PRUNE2: variants seen among roughly 807,000 people sequenced by gnomAD.
The protein encoded by PRUNE2 is prune homolog 2 with BCH domain, also known as protein prune homolog 2.
A neutral mutation model predicts 252.0 loss-of-function variants in PRUNE2; 164 were observed. That is an observed-to-expected ratio of 0.65 (90% CI 0.57 to 0.74). The LOEUF (loss-of-function observed/expected upper bound fraction) is 0.74. Among genes scored for constraint, PRUNE2 ranks in the 30% least tolerant of loss-of-function variants. PRUNE2 has a pLI of 0.00. For synonymous variants in PRUNE2, 1,292 were observed against 1,350.2 expected (o/e 0.96, Z 0.94); for missense variants, 3,495 against 3,711.0 (o/e 0.94, Z 1.51).
rs202219680 is a variant in PRUNE2 at position 76,638,174 on chromosome 9, A to G, written c.8831+12T>C. 1.0e-5 allele frequency: 16 copies of G among 1,564,896 alleles called. No individual in the cohort carries two copies. The Admixed American group carries it at 1.5e-4, about 15-fold the overall frequency. On this transcript the variant is annotated intron_variant, in intron 13 of 18. Transcript: ENST00000376718. Reference sequence around the variant, plus strand: ...CATTAACTCAAAGCACTTTGTCATAAGTATCACTCACAGGAAAAGATTTTC... The same window carrying G: ...CATTAACTCAAAGCACTTTGTCATAGGTATCACTCACAGGAAAAGATTTTC...
chr9:76,615,009 G>T, intron 18 of PRUNE2: 1 of 689,320 alleles, frequency 1.5e-6, no homozygotes, highest in Non-Finnish European at 1.8e-6. Flanking sequence ...TGTCTGACAA[G>T]CACTAAATAG....
At chr9:76,715,441 T>C (rs10781371) in intron 6 of PRUNE2, among the ~76,000 whole-genome samples, 29,950 of 152,118 alleles carry the variant, frequency 0.2, 3,482 homozygotes, top group East Asian at 0.48. Context: ...AGGCAGCCAC[T>C]CTCATCTGGC....
At chr9:76,666,087 G>C (rs1364177551) in intron 9 of PRUNE2, among the ~76,000 whole-genome samples, 1 of 152,180 alleles carries the variant, frequency 6.6e-6, no homozygotes, top group East Asian at 1.9e-4. Flanking sequence ...GACATAGTGA[G>C]AAGTGACCAG....
At chr9:76,789,596 T>G (rs891603586) in intron 6 of PRUNE2, among the ~76,000 whole-genome samples, 1 of 152,074 alleles carries the variant, frequency 6.6e-6, no homozygotes, top group Non-Finnish European at 1.5e-5. Context: ...AGGCCCTCCA[T>G]TAGGAGTCGA....
At chr9:76,760,777 G>A (rs1044755645) in intron 6 of PRUNE2, among the ~76,000 whole-genome samples, 19 of 152,034 alleles carry the variant, frequency 1.2e-4, no homozygotes, top group African/African-American at 4.6e-4. Context: ...CTGCATTCAT[G>A]CCTAGCAAGA....
Position 76,636,504 on chromosome 9 carries a change from C to A in PRUNE2, c.9017G>T (p.Arg3006Ile). The A allele has an allele frequency of 6.4e-7, 1 of 1,557,322 alleles. No homozygotes were observed. Among genetic ancestry groups the A allele is most frequent in the Admixed American group, 1.9e-5 (1 of 52,822 alleles). ...AGGTCGTGTCACAGCAAGGATTGTTCTGATGAACCAAGATGGATGAACAAT... is the reference window on the plus strand; with the variant it reads ...AGGTCGTGTCACAGCAAGGATTGTTATGATGAACCAAGATGGATGAACAAT... ...FIIVHPSWFI[R>I]TILAVTRPFI... The change falls in exon 15 of 19, where the codon AGA becomes ATA. Residue 3006 changes from arginine to isoleucine, a missense_variant. By Grantham distance (97) the Arg-to-Ile change is moderately conservative. Transcript: ENST00000376718.
At position 76,770,936 on chromosome 9, in the gene PRUNE2, AG is replaced by A. The variant is rs552119103; in HGVS notation, c.756+52695del. 2.2e-3 allele frequency among the ~76,000 whole-genome samples: 340 copies of A among 152,330 alleles called. 3 individuals are homozygous for A. Among genetic ancestry groups the A allele is most frequent in the African/African-American group, 8.0e-3 (333 of 41,580 alleles). ...AATTAAATTTCAAAAAATCTGAAAA[AG>A]AAGAATTAGTAATTGATAAACTAAT... On this transcript the variant is annotated intron_variant, in intron 6 of 18. Coordinates refer to ENST00000376718, the MANE Select transcript of PRUNE2 (RefSeq NM_015225.3).
intron 6 of PRUNE2, among the ~76,000 whole-genome samples, chr9:76,780,484 A>G (rs1360723871): frequency 2.0e-5 from 3 of 152,046 alleles, no homozygotes; most frequent in African/African-American, 7.2e-5. Flanking sequence ...CCAGGAGATC[A>G]AGACCATCCT....
intron 8 of PRUNE2, 113 bp from the exon 9 acceptor site, chr9:76,704,212 A>C: frequency 2.5e-6 from 1 of 404,094 alleles, no homozygotes; most frequent in Non-Finnish European, 3.4e-6. Context: ...TATTTTTTAT[A>C]TATTTTATTT....
At chr9:76,897,415 T>A (rs1338657327) in intron 1 of PRUNE2, among the ~76,000 whole-genome samples, 3 of 125,782 alleles carry the variant, frequency 2.4e-5, no homozygotes, top group Non-Finnish European at 5.0e-5. Context: ...TTTTTTTTTT[T>A]TTTTTTTTTT....
chr9:76,684,593 C>G (rs1000691182), intron 9 of PRUNE2, among the ~76,000 whole-genome samples: 2 of 152,170 alleles, frequency 1.3e-5, no homozygotes, highest in African/African-American at 2.4e-5. Context: ...CCTTAGATAT[C>G]CAGCGTAAAG....
At chr9:76,650,784 G>C (rs183608303) in intron 11 of PRUNE2, among the ~76,000 whole-genome samples, 2 of 152,308 alleles carry the variant, frequency 1.3e-5, no homozygotes, top group Admixed American at 6.5e-5. Flanking sequence ...AAGTGGCAGT[G>C]TTAATTACCA....
In PRUNE2 at chr9:76,644,628, G is replaced by C. The variant is rs751365902; in HGVS notation, c.8728+111C>G. ...TATAGTTCCCTGAATATTGGCTCTA[G>C]AATAGGGTCTTTGAGATGTCATGTT... is the stretch of plus-strand genomic sequence containing the variant. On this transcript the variant is annotated intron_variant, in intron 12 of 18. Coordinates refer to ENST00000376718, the MANE Select transcript of PRUNE2 (RefSeq NM_015225.3). 4 of 972,526 alleles carry C rather than the reference G, an allele frequency of 4.1e-6. No homozygotes were observed. In the African/African-American group the frequency reaches 6.4e-5, roughly 16 times the overall value. The allele number at this position is 972,526 out of a possible 1,614,324, so 60.2% of individuals were successfully genotyped here. A position where few individuals can be genotyped will look rare whatever the true frequency, so the allele number is the denominator to read the frequency against.
intron 6 of PRUNE2, among the ~76,000 whole-genome samples, chr9:76,814,065 C>T (rs771200112): frequency 2.0e-5 from 3 of 152,222 alleles, no homozygotes; most frequent in African/African-American, 4.8e-5. Flanking sequence ...CCACCCGCCT[C>T]GGCCTCCCAA....
chr9:76,834,665 T>G (rs2058855054), intron 4 of PRUNE2, among the ~76,000 whole-genome samples: 1 of 152,178 alleles, frequency 6.6e-6, no homozygotes, highest in Admixed American at 6.5e-5. Context: ...TGATATTGGC[T>G]TATAGTTAAG....
chr9:76,879,700 A>G (rs2061653613), intron 1 of PRUNE2, among the ~76,000 whole-genome samples: 1 of 151,568 alleles, frequency 6.6e-6, no homozygotes, highest in Non-Finnish European at 1.5e-5. Flanking sequence ...TAAGGCCCCA[A>G]AGGAAGTGCG....
intron 6 of PRUNE2, among the ~76,000 whole-genome samples, chr9:76,754,118 T>G (rs981643231): frequency 4.6e-5 from 7 of 152,144 alleles, no homozygotes; most frequent in African/African-American, 1.7e-4. Context: ...CGTGTTATTG[T>G]CAGCATCTCT....
At chr9:76,624,588 T>G in intron 16 of PRUNE2, 98 bp from the exon 17 acceptor site, 1 of 803,228 alleles carries the variant, frequency 1.2e-6, no homozygotes, top group Non-Finnish European at 1.8e-6. Context: ...ATGAAAGTGG[T>G]GCATATGTGC....
At chr9:76,894,306 G>A (rs909355448) in intron 1 of PRUNE2, among the ~76,000 whole-genome samples, 2 of 152,160 alleles carry the variant, frequency 1.3e-5, no homozygotes, top group Non-Finnish European at 2.9e-5. Flanking sequence ...TTGACCAGGA[G>A]GTGTCGCATG....
Sources: allele counts gnomAD v4.1 joint callset (sites outside exome capture counted in the v4.1 genomes callset), GRCh38; gene constraint gnomAD v4.1.1; transcripts MANE v1.5; gene names NCBI Gene and HGNC (gene_info 2026-07-23, HGNC 2026-07-21).